STXBP5L: variants seen among roughly 807,000 people sequenced by gnomAD.
STXBP5L encodes the protein syntaxin binding protein 5L.
In STXBP5L, 65 loss-of-function variants were observed where a neutral mutation model predicts 144.5. The ratio of observed to expected loss-of-function variants is 0.45; its 90% CI spans 0.37 to 0.55. The LOEUF (loss-of-function observed/expected upper bound fraction) is 0.55, where lower values mean the gene tolerates loss of function less well. STXBP5L is among the 20% of genes least tolerant of loss of function. The probability of loss-of-function intolerance (pLI) is 0.00; values close to 1 mark genes in which losing one functional copy is unlikely to be tolerated. For missense variants in STXBP5L, 1,298 were observed against 1,405.5 expected, an observed-to-expected ratio of 0.92 and a Z score of 1.22; for synonymous variants, 505 against 469.6, an observed-to-expected ratio of 1.08 and a Z score of -0.97.
intron 5 of STXBP5L, among the ~76,000 whole-genome samples, chr3:121,111,689 C>A (rs1329837375): frequency 2.6e-5 from 4 of 152,226 alleles, no homozygotes; most frequent in African/African-American, 9.6e-5. Flanking sequence ...TGGGGGGTTT[C>A]ACCCAGTCAA....
At chr3:120,942,630 A>AT (rs1035992157) in intron 2 of STXBP5L, among the ~76,000 whole-genome samples, 33 of 150,094 alleles carry the variant, frequency 2.2e-4, no homozygotes, top group Admixed American at 6.0e-4. Context: ...ATAGCTACTG[A>AT]TTTTTTTTTG....
chr3:120,960,161 C>T (rs1161987655), intron 3 of STXBP5L, among the ~76,000 whole-genome samples: 1 of 152,208 alleles, frequency 6.6e-6, no homozygotes, highest in Non-Finnish European at 1.5e-5. Flanking sequence ...GAAAAAAATG[C>T]TCATCATCAC....
chr3:120,987,139 T>G (rs1942365924), intron 3 of STXBP5L, among the ~76,000 whole-genome samples: 1 of 151,964 alleles, frequency 6.6e-6, no homozygotes, highest in Non-Finnish European at 1.5e-5. Context: ...TAATCAGACT[T>G]TAAAAAGTCA....
rs776810736 is a variant in STXBP5L at position 121,318,535 on chromosome 3, C to T, written c.2171C>T (p.Thr724Ile). 2.6e-6 allele frequency: 4 copies of T among 1,552,476 alleles called. No homozygotes were observed. The highest frequency in any genetic ancestry group is 3.5e-6 in the Non-Finnish European group (4 of 1,148,410). ...PLELERCKSP[T>I]SDHVNGHCTS... ...GAACTTGAGCGCTGCAAGTCTCCTA[C>T]CTCAGGTAAACATGAGTGGTATTTT... is the stretch of plus-strand genomic sequence containing the variant. The change falls in exon 20 of 27, where the codon ACC (threonine) becomes ATC (isoleucine). Residue 724 changes from threonine (T) to isoleucine (I), a missense_variant. Physicochemically the swap from Thr to Ile is moderately conservative, Grantham distance 89 (BLOSUM62 -1). Coordinates refer to ENST00000471454, the MANE Select transcript of STXBP5L (RefSeq NM_001308330.2).
intron 18 of STXBP5L, among the ~76,000 whole-genome samples, chr3:121,273,629 T>C (rs1398927873): frequency 6.6e-6 from 1 of 152,148 alleles, no homozygotes; most frequent in Non-Finnish European, 1.5e-5. Flanking sequence ...GAATCTCCCA[T>C]AATGTGACTA....
intron 20 of STXBP5L, among the ~76,000 whole-genome samples, chr3:121,353,686 G>A (rs1038745911): frequency 6.6e-6 from 1 of 152,140 alleles, no homozygotes; most frequent in South Asian, 2.1e-4. Flanking sequence ...ATCTCTTTCA[G>A]ATCTGCTCTG....
intron 9 of STXBP5L, among the ~76,000 whole-genome samples, chr3:121,181,943 A>G (rs2047172408): frequency 6.8e-6 from 1 of 147,176 alleles, no homozygotes; most frequent in Non-Finnish European, 1.5e-5. Flanking sequence ...AAGCAACAAC[A>G]GTTAAAAAAA....
intron 11 of STXBP5L, among the ~76,000 whole-genome samples, chr3:121,228,079 A>G (rs540025110): frequency 3.5e-4 from 53 of 152,326 alleles, no homozygotes; most frequent in Middle Eastern, 6.8e-3. Flanking sequence ...TACTTTCTTT[A>G]ATAGAATGGT....
Position 121,005,637 on chromosome 3 carries a change from T to G in STXBP5L, c.288-36063T>G, listed in dbSNP as rs1018008476. ...CTTGCTTTTCTAGTTCTTTTAATTG[T>G]GATGTTAGGGTGTCAATTTTGGATC... is the stretch of plus-strand genomic sequence containing the variant. On this transcript the variant is annotated intron_variant, in intron 3 of 26. Transcript: ENST00000471454. Among the ~76,000 whole-genome samples, 6 of 152,202 alleles carry G rather than the reference T, an allele frequency of 3.9e-5. 1 individual carries two copies. Among genetic ancestry groups the G allele is most frequent in the South Asian group, 2.1e-4 (1 of 4,828 alleles).
At chr3:121,206,350 A>G (rs1401642877) in intron 10 of STXBP5L, among the ~76,000 whole-genome samples, 1 of 152,212 alleles carries the variant, frequency 6.6e-6, no homozygotes, top group East Asian at 1.9e-4. Context: ...ACTTAAATAC[A>G]TAACCAAGTG....
intron 20 of STXBP5L, among the ~76,000 whole-genome samples, chr3:121,353,500 T>C (rs531091629): frequency 1.3e-5 from 2 of 152,276 alleles, no homozygotes; most frequent in South Asian, 4.1e-4. Flanking sequence ...CCAAAGGTAG[T>C]TTGTGTTTCT....
chr3:121,189,064 T>C (rs1292794230), intron 9 of STXBP5L, among the ~76,000 whole-genome samples: 4 of 152,194 alleles, frequency 2.6e-5, no homozygotes, highest in East Asian at 3.8e-4. Context: ...GAAAACCCCA[T>C]TGTCTTCACC....
At chr3:121,082,400 A>G (rs566469241) in intron 5 of STXBP5L, among the ~76,000 whole-genome samples, 11 of 152,114 alleles carry the variant, frequency 7.2e-5, no homozygotes, top group African/African-American at 2.4e-4. Context: ...GCACATGTTC[A>G]TTGCTGATAT....
intron 5 of STXBP5L, among the ~76,000 whole-genome samples, chr3:121,053,448 A>G (rs1380062086): frequency 6.6e-6 from 1 of 152,194 alleles, no homozygotes; most frequent in Non-Finnish European, 1.5e-5. Flanking sequence ...CATATCTACA[A>G]CCATCTGATC....
At chr3:121,359,321 A>T (rs1056565710) in intron 20 of STXBP5L, among the ~76,000 whole-genome samples, 3 of 151,936 alleles carry the variant, frequency 2.0e-5, no homozygotes, top group Non-Finnish European at 2.9e-5. Context: ...TTTCATATAG[A>T]GTTGTTTTGA....
In STXBP5L at chr3:120,952,979, T is replaced by TA. The variant is rs1378806409; in HGVS notation, c.190-1959dup. Among the ~76,000 whole-genome samples the TA allele has an allele frequency of 4.0e-5, 6 of 151,784 alleles. No homozygotes were observed. The East Asian group carries it at 1.2e-3, about 30-fold the overall frequency. On this transcript the variant is annotated intron_variant, in intron 2 of 26. Coordinates refer to ENST00000471454, the MANE Select transcript of STXBP5L (RefSeq NM_001308330.2). ...ATGCCCAGCTAATTTTTTTTTTTCT[T>TA]AATAGAGACAAGATCTCTCTATCTT...
At chr3:121,344,454 T>TA (rs1181527582) in intron 20 of STXBP5L, among the ~76,000 whole-genome samples, 4 of 151,862 alleles carry the variant, frequency 2.6e-5, no homozygotes. Flanking sequence ...CCTAAGCCCT[T>TA]ACAAAAAAAA....
At chr3:120,965,654 C>G (rs1214039351) in intron 3 of STXBP5L, among the ~76,000 whole-genome samples, 2 of 152,200 alleles carry the variant, frequency 1.3e-5, no homozygotes, top group East Asian at 3.9e-4. Flanking sequence ...TGTTGTTAGT[C>G]TGATGGGCTT....
intron 5 of STXBP5L, among the ~76,000 whole-genome samples, chr3:121,055,064 A>G (rs1948352317): frequency 6.6e-6 from 1 of 152,222 alleles, no homozygotes; most frequent in African/African-American, 2.4e-5. Flanking sequence ...ATAAAAGAGC[A>G]AGCTGACAGA....
Sources: allele counts gnomAD v4.1 joint callset (sites outside exome capture counted in the v4.1 genomes callset), GRCh38; gene constraint gnomAD v4.1.1; transcripts MANE v1.5; gene names NCBI Gene and HGNC (gene_info 2026-07-23, HGNC 2026-07-21).